The following HNRNPC variants were observed in gnomAD, a reference collection of about 807,000 sequenced individuals.
HNRNPC encodes heterogeneous nuclear ribonucleoproteins C1/C2.
HNRNPC carries 3 observed loss-of-function variants against 33.2 expected under a neutral mutation model. That is an observed-to-expected ratio of 0.09 (90% CI 0.04 to 0.23). The LOEUF (loss-of-function observed/expected upper bound fraction) is 0.23. Among genes scored for constraint, HNRNPC ranks in the 10% least tolerant of loss-of-function variants. The pLI is 1.00. For synonymous variants in HNRNPC, 121 were observed against 126.7 expected, an observed-to-expected ratio of 0.96 and a Z score of 0.30; for missense variants, 143 against 366.7, an observed-to-expected ratio of 0.39 and a Z score of 4.98.
intron 5 of HNRNPC, among the ~76,000 whole-genome samples, chr14:21,214,016 A>T (rs1471608707): frequency 6.6e-6 from 1 of 152,228 alleles, no homozygotes. Context: ...AAAATTCAAA[A>T]CAGAACAAAA....
At chr14:21,268,962 T>C (rs1313647319) in intron 1 of HNRNPC, among the ~76,000 whole-genome samples, 5 of 152,052 alleles carry the variant, frequency 3.3e-5, no homozygotes, top group Admixed American at 6.6e-5. Flanking sequence ...GGCGCTACGT[T>C]AACTTCGACT....
intron 2 of HNRNPC, among the ~76,000 whole-genome samples, chr14:21,251,116 C>A (rs1315455242): frequency 6.6e-6 from 1 of 151,730 alleles, no homozygotes; most frequent in Non-Finnish European, 1.5e-5. Context: ...AAAAAATTAG[C>A]CGGGCATGGT....
chr14:21,246,570 A>G (rs1226669370), intron 2 of HNRNPC, among the ~76,000 whole-genome samples: 1 of 151,494 alleles, frequency 6.6e-6, no homozygotes, highest in Non-Finnish European at 1.5e-5. Flanking sequence ...CCGTCTCAAA[A>G]AAAAAAAAAA....
Position 21,209,599 on chromosome 14 carries a change from C to T in HNRNPC, c.*1624G>A, listed in dbSNP as rs1181882822. The T allele has an allele frequency of 6.6e-6, 1 of 152,170 alleles. No homozygotes were observed. Among genetic ancestry groups the T allele is most frequent in the African/African-American group, 2.4e-5 (1 of 41,436 alleles). The allele number at this position is 152,170 out of a possible 1,614,324, so 9.4% of individuals were successfully genotyped here. A position where few individuals can be genotyped will look rare whatever the true frequency, so the allele number is the denominator to read the frequency against. On this transcript the variant is annotated 3_prime_UTR_variant, in exon 9 of 9. Coordinates refer to ENST00000553300, the MANE Select transcript of HNRNPC (RefSeq NM_004500.4). ...TGGGCTCCAAGGGTAGTTCATACTT[C>T]AGCCTCTTCATTCTTTTCTGCTTTT...
At chr14:21,261,218 G>A (rs1878188425) in intron 2 of HNRNPC, among the ~76,000 whole-genome samples, 1 of 152,032 alleles carries the variant, frequency 6.6e-6, no homozygotes, top group Admixed American at 6.6e-5. Context: ...CCCTCACTAA[G>A]CTGCGAAGCC....
At chr14:21,248,230 C>T (rs1896217614) in intron 2 of HNRNPC, among the ~76,000 whole-genome samples, 2 of 152,114 alleles carry the variant, frequency 1.3e-5, no homozygotes, top group South Asian at 4.1e-4. Flanking sequence ...ACTTTTAGTA[C>T]AGACGGGGTT....
At chr14:21,248,349 CAT>C (rs530760597) in intron 2 of HNRNPC, among the ~76,000 whole-genome samples, 25 of 152,308 alleles carry the variant, frequency 1.6e-4, no homozygotes, top group South Asian at 1.4e-3. Flanking sequence ...AGCCTAGACA[CAT>C]GTGTTTCAAG....
Position 21,211,618 on chromosome 14 carries a change from T to C in HNRNPC, c.638-52A>G, listed in dbSNP as rs372316002. On this transcript the variant is annotated intron_variant, in intron 7 of 8. Transcript: ENST00000553300. ...TAGGGGCAGTAATGTCCACAGGACG[T>C]AGACAATCCCCACTAAGGATCACAG... 9.6e-4 allele frequency: 1,497 copies of C among 1,560,614 alleles called. 29 individuals are homozygous for C. In the South Asian group the frequency reaches 0.017, roughly 17 times the overall value.
At chr14:21,269,210 G>C (rs551423864) in intron 1 of HNRNPC, 88 bp downstream of exon 1, 1 of 152,136 alleles carries the variant, frequency 6.6e-6, no homozygotes, top group Non-Finnish European at 1.5e-5. Context: ...GTTAGTTAGG[G>C]GGAAGGATTC....
chr14:21,238,013 C>T (rs757815008), intron 2 of HNRNPC, among the ~76,000 whole-genome samples: 33 of 152,142 alleles, frequency 2.2e-4, no homozygotes, highest in Non-Finnish European at 4.0e-4. Flanking sequence ...TCAGGTGATC[C>T]GCCTGCCTCG....
intron 2 of HNRNPC, among the ~76,000 whole-genome samples, chr14:21,251,322 T>C (rs1286527296): frequency 1.3e-5 from 2 of 150,234 alleles, no homozygotes; most frequent in African/African-American, 4.9e-5. Context: ...AAGTTTCAAT[T>C]TTATCAGTGA....
intron 5 of HNRNPC, among the ~76,000 whole-genome samples, chr14:21,225,663 G>A (rs544886399): frequency 1.3e-5 from 2 of 152,056 alleles, no homozygotes; most frequent in Non-Finnish European, 2.9e-5. Flanking sequence ...GGGTCCACGA[G>A]ATATGACAAA....
chr14:21,263,552 C>T (rs186410745), intron 1 of HNRNPC: 1 of 152,050 alleles, frequency 6.6e-6, no homozygotes, highest in African/African-American at 2.4e-5. Context: ...TTATGAGAGG[C>T]TAAAAGGCTC....
intron 2 of HNRNPC, among the ~76,000 whole-genome samples, chr14:21,238,319 A>T (rs1219901624): frequency 6.6e-6 from 1 of 152,272 alleles, no homozygotes. Context: ...TCAAAAAAAT[A>T]GTATCTGAAA....
At chr14:21,252,224 T>C (rs1017797235) in intron 2 of HNRNPC, among the ~76,000 whole-genome samples, 2 of 152,190 alleles carry the variant, frequency 1.3e-5, no homozygotes, top group African/African-American at 2.4e-5. Flanking sequence ...ACCAACCATG[T>C]TATCCCCGTA....
At chr14:21,252,966 G>C (rs2138935228) in intron 2 of HNRNPC, among the ~76,000 whole-genome samples, 1 of 152,106 alleles carries the variant, frequency 6.6e-6, no homozygotes, top group Middle Eastern at 3.4e-3. Context: ...ACAAGGTCAA[G>C]AGATCAAGAC....
intron 6 of HNRNPC, among the ~76,000 whole-genome samples, chr14:21,212,537 T>C (rs1431776560): frequency 6.6e-6 from 1 of 151,988 alleles, no homozygotes; most frequent in Non-Finnish European, 1.5e-5. Context: ...TCTCCTCTGT[T>C]ATTTTGGATT....
chr14:21,260,400 G>A (rs994144786), intron 2 of HNRNPC, among the ~76,000 whole-genome samples: 1 of 148,848 alleles, frequency 6.7e-6, no homozygotes, highest in Non-Finnish European at 1.5e-5. Context: ...ATCCCTTTAT[G>A]TGATTAAGGT....
chr14:21,242,562 T>C lies in HNRNPC; in HGVS notation c.-36-8333A>G, dbSNP rs559171295. ...ACACCAATTTAACATATGAGAGTACTGTCGATGTATGCTAAAAGCGCCAGG... is the reference window on the plus strand; with the variant it reads ...ACACCAATTTAACATATGAGAGTACCGTCGATGTATGCTAAAAGCGCCAGG... On this transcript the variant is annotated intron_variant, in intron 2 of 8. Transcript: ENST00000553300. 7.9e-5 allele frequency among the ~76,000 whole-genome samples: 12 copies of C among 152,350 alleles called. No homozygotes were observed. In the South Asian group the frequency reaches 2.5e-3, roughly 32 times the overall value.
Sources: allele counts gnomAD v4.1 joint callset (sites outside exome capture counted in the v4.1 genomes callset), GRCh38; gene constraint gnomAD v4.1.1; transcripts MANE v1.5; gene names NCBI Gene and HGNC (gene_info 2026-07-23, HGNC 2026-07-21).